TRHDE: variants seen among roughly 807,000 people sequenced by gnomAD.
TRHDE encodes the protein thyrotropin releasing hormone degrading enzyme, also known as thyrotropin-releasing hormone-degrading ectoenzyme.
TRHDE carries 72 observed loss-of-function variants against 125.7 expected under a neutral mutation model. The ratio of observed to expected loss-of-function variants is 0.57; its 90% CI spans 0.47 to 0.70. The LOEUF is 0.70. TRHDE is among the 30% of genes least tolerant of loss of function. The probability of loss-of-function intolerance (pLI) is 0.00; values close to 1 mark genes in which losing one functional copy is unlikely to be tolerated. For synonymous variants in TRHDE, 509 were observed against 509.1 expected, an observed-to-expected ratio of 1.00 and a Z score of 0.00; for missense variants, 1,110 against 1,327.1, an observed-to-expected ratio of 0.84 and a Z score of 2.54.
chr12:72,367,594 T>A (rs1010079528), intron 2 of TRHDE, among the ~76,000 whole-genome samples: 2 of 152,186 alleles, frequency 1.3e-5, no homozygotes, highest in African/African-American at 4.8e-5. Flanking sequence ...CCTGAGCTTT[T>A]AGTTTCTTGT....
At chr12:72,333,716 T>C (rs558927450) in intron 2 of TRHDE, among the ~76,000 whole-genome samples, 1 of 152,346 alleles carries the variant, frequency 6.6e-6, no homozygotes, top group South Asian at 2.1e-4. Flanking sequence ...GACAAAAATA[T>C]CTTAACACCA....
intron 2 of TRHDE, among the ~76,000 whole-genome samples, chr12:72,237,343 G>C (rs758135780): frequency 2.6e-5 from 4 of 152,130 alleles, no homozygotes; most frequent in Non-Finnish European, 5.9e-5. Flanking sequence ...TGGCTACTAG[G>C]TGGTAAAATT....
intron 3 of TRHDE, among the ~76,000 whole-genome samples, chr12:72,420,071 A>G (rs1873888979): frequency 6.6e-6 from 1 of 152,196 alleles, no homozygotes; most frequent in Admixed American, 6.5e-5. Context: ...ATAACAGAGG[A>G]TCAGTCATCT....
chr12:72,226,230 G>A (rs116661611), intron 2 of TRHDE, among the ~76,000 whole-genome samples: 394 of 152,256 alleles, frequency 2.6e-3, no homozygotes, highest in African/African-American at 8.5e-3. Flanking sequence ...TGCTGACCAT[G>A]GCAAGTGAGG....
At chr12:72,528,164 A>G (rs1868374324) in intron 6 of TRHDE, among the ~76,000 whole-genome samples, 1 of 152,168 alleles carries the variant, frequency 6.6e-6, no homozygotes, top group African/African-American at 2.4e-5. Context: ...CCTAAAATCT[A>G]ATTTGTAATA....
At chr12:72,565,269 T>G (rs1203058905) in intron 9 of TRHDE, among the ~76,000 whole-genome samples, 1 of 152,162 alleles carries the variant, frequency 6.6e-6, no homozygotes, top group Admixed American at 6.5e-5. Flanking sequence ...TCTGTATATT[T>G]TCTGAGCCAG....
At chr12:72,568,041 G>A (rs1010823378) in intron 9 of TRHDE, among the ~76,000 whole-genome samples, 64 of 152,030 alleles carry the variant, frequency 4.2e-4, no homozygotes, top group African/African-American at 1.5e-3. Context: ...TGGATTGTAT[G>A]GGAATCTGAC....
At chr12:72,531,033 C>T (rs1868524005) in intron 6 of TRHDE, among the ~76,000 whole-genome samples, 2 of 152,012 alleles carry the variant, frequency 1.3e-5, no homozygotes, top group Admixed American at 1.3e-4. Context: ...TTTATTTTAG[C>T]ATAACATTTT....
At chr12:72,288,373 T>C (rs1006070872) in intron 2 of TRHDE, among the ~76,000 whole-genome samples, 14 of 152,170 alleles carry the variant, frequency 9.2e-5, no homozygotes, top group Admixed American at 2.0e-4. Flanking sequence ...ACAAAATCAA[T>C]GACATTACTG....
chr12:72,472,607 G>A (rs1282057876), intron 4 of TRHDE, among the ~76,000 whole-genome samples: 7 of 152,130 alleles, frequency 4.6e-5, no homozygotes, highest in Non-Finnish European at 8.8e-5. Flanking sequence ...TTTCAAGGAA[G>A]TATTTTCCCA....
intron 2 of TRHDE, among the ~76,000 whole-genome samples, chr12:72,136,521 T>G (rs1875989764): frequency 6.6e-6 from 1 of 152,214 alleles, no homozygotes; most frequent in South Asian, 2.1e-4. Context: ...TAAAATGAAC[T>G]GAGTGGATTC....
chr12:72,597,492 A>T (rs193152137), intron 12 of TRHDE, among the ~76,000 whole-genome samples: 2 of 151,216 alleles, frequency 1.3e-5, no homozygotes, highest in African/African-American at 2.4e-5. Context: ...ACATGGTGAA[A>T]CCCTGTCTCT....
chr12:72,380,491 A>G (rs1269520400), intron 3 of TRHDE, among the ~76,000 whole-genome samples: 1 of 152,202 alleles, frequency 6.6e-6, no homozygotes, highest in East Asian at 1.9e-4. Context: ...TAAGTGAAGG[A>G]CTAAACTCAG....
chr12:72,300,714 G>A (rs1386344042), intron 2 of TRHDE, among the ~76,000 whole-genome samples: 2 of 151,590 alleles, frequency 1.3e-5, no homozygotes, highest in South Asian at 2.1e-4. Context: ...GTGTGTGTAT[G>A]TAATCTCCAT....
rs541487893 is a variant in TRHDE at position 72,664,370 on chromosome 12, A to C, written c.*1175A>C. On this transcript the variant is annotated 3_prime_UTR_variant, in exon 19 of 19. Transcript: ENST00000261180. ...CTCTAATCCTCCATTAAGCGAGCATACCTCAAGTGGGTCTATTAGCATTTA... is the reference window on the plus strand; with the variant it reads ...CTCTAATCCTCCATTAAGCGAGCATCCCTCAAGTGGGTCTATTAGCATTTA... The C allele has an allele frequency of 3.3e-5, 5 of 152,632 alleles. No individual in the cohort carries two copies. The East Asian group carries it at 7.8e-4, about 24-fold the overall frequency. 9.5% of individuals were successfully genotyped at this position (152,632 alleles called of 1,614,324 possible).
At chr12:72,602,776 G>A (rs1872259004) in intron 12 of TRHDE, among the ~76,000 whole-genome samples, 1 of 152,130 alleles carries the variant, frequency 6.6e-6, no homozygotes, top group South Asian at 2.1e-4. Flanking sequence ...TAAACATATG[G>A]AACCACTAAT....
At chr12:72,183,210 TC>T (rs1412540887) in intron 2 of TRHDE, among the ~76,000 whole-genome samples, 1 of 152,234 alleles carries the variant, frequency 6.6e-6, no homozygotes, top group African/African-American at 2.4e-5. Flanking sequence ...TATTATGTGC[TC>T]AACACTGTGT....
At chr12:72,257,473 A>G (rs1214592672) in intron 2 of TRHDE, 1 of 152,210 alleles carries the variant, frequency 6.6e-6, no homozygotes, top group Non-Finnish European at 1.5e-5. Flanking sequence ...TCTGAAATCC[A>G]AAACACTTCT....
Position 72,272,775 on chromosome 12 carries a change from C to A in TRHDE, c.132C>A (p.Ala44=). 1 of 1,548,808 alleles carries A rather than the reference C, an allele frequency of 6.5e-7. No individual in the cohort carries two copies. The highest frequency in any genetic ancestry group is 8.7e-7 in the Non-Finnish European group (1 of 1,149,284). ...GAEKSSSPFA[A]AMGEDDAALR... is the part of the protein sequence containing the mutation. ...AGAAGAGCAGCTCACCCTTCGCAGC[C>A]GCGATGGGGGAAGACGACGCCGCGC... The change falls in exon 1 of 19, where the codon GCC becomes GCA. Residue 44 remains alanine, a synonymous_variant. Transcript: ENST00000261180. This position sits in a 1 kb window ranked among gnomAD's most constrained non-coding sequence, Gnocchi z 6.7.
Sources: gnomAD v4.1 joint callset for allele counts (sites outside exome capture counted in the v4.1 genomes callset) on GRCh38, gnomAD v4.1.1 for gene constraint, Gnocchi (gnomAD v3.1) non-coding constraint, MANE v1.5 for transcripts, NCBI Gene and HGNC (gene_info 2026-07-23, HGNC 2026-07-21) for gene names.